CKAP5: variants seen among roughly 807,000 people sequenced by gnomAD.
The protein encoded by CKAP5 is cytoskeleton-associated protein 5.
A neutral mutation model predicts 232.8 loss-of-function variants in CKAP5; 27 were observed. The observed-to-expected ratio is 0.12, with a 90% CI of 0.09 to 0.16. The LOEUF (loss-of-function observed/expected upper bound fraction) is 0.16, where lower values mean the gene tolerates loss of function less well. Among genes scored for constraint, CKAP5 ranks in the 10% least tolerant of loss-of-function variants. The pLI is 1.00. For missense variants in CKAP5, 1,838 were observed against 2,424.7 expected (o/e 0.76, Z 5.08); for synonymous variants, 785 against 841.1 (o/e 0.93, Z 1.16).
intron 5 of CKAP5, among the ~76,000 whole-genome samples, chr11:46,810,086 C>T (rs1939241885): frequency 6.6e-6 from 1 of 151,980 alleles, no homozygotes; most frequent in Admixed American, 6.6e-5. Context: ...ATTCCCGTGC[C>T]TCAGCCTCTC....
At chr11:46,807,298 A>G (rs1336839440) in intron 8 of CKAP5, among the ~76,000 whole-genome samples, 2 of 152,236 alleles carry the variant, frequency 1.3e-5, no homozygotes, top group African/African-American at 4.8e-5. Context: ...GTGGCTTTAC[A>G]GAATATAACT....
chr11:46,779,798 T>A (rs1165529974), intron 20 of CKAP5, among the ~76,000 whole-genome samples: 3 of 151,482 alleles, frequency 2.0e-5, no homozygotes, highest in South Asian at 2.1e-4. Context: ...TTTTTGATTA[T>A]TTTTTTGTAG....
chr11:46,744,620 T>TCCC (rs751383261), intron 42 of CKAP5, 43 bp from the exon 43 acceptor site: 1 of 1,574,092 alleles, frequency 6.4e-7, no homozygotes, highest in Non-Finnish European at 8.7e-7. Flanking sequence ...TATCCACATA[T>TCCC]CCCCCTTCTA....
intron 13 of CKAP5, among the ~76,000 whole-genome samples, chr11:46,792,841 C>T (rs977378544): frequency 5.3e-5 from 8 of 152,014 alleles, no homozygotes; most frequent in African/African-American, 1.9e-4. Flanking sequence ...GTTTTGGGTC[C>T]AGGTAATTGT....
At chr11:46,773,308 G>A (rs2065264659) in intron 24 of CKAP5, among the ~76,000 whole-genome samples, 1 of 150,178 alleles carries the variant, frequency 6.7e-6, no homozygotes, top group Non-Finnish European at 1.5e-5. Context: ...AGAGTGCAAT[G>A]ACGCGATCTT....
At chr11:46,830,440 C>CAAAAAAAAAAAAAAAAA (rs71042623) in intron 1 of CKAP5, among the ~76,000 whole-genome samples, 1 of 67,932 alleles carries the variant, frequency 1.5e-5, no homozygotes. Context: ...GACTCCGTCT[C>CAAAAAAAAAAAAAAAAA]AAAAAAAAAA....
chr11:46,788,610 G>A, intron 16 of CKAP5, 71 bp downstream of exon 16: 2 of 898,070 alleles, frequency 2.2e-6, no homozygotes, highest in Non-Finnish European at 3.6e-6. Flanking sequence ...CTATTCTGCT[G>A]TATTACTCCA....
intron 35 of CKAP5, among the ~76,000 whole-genome samples, chr11:46,756,765 T>G (rs2065113435): frequency 6.6e-6 from 1 of 151,834 alleles, no homozygotes; most frequent in Admixed American, 6.6e-5. Context: ...TTTTTTTTTT[T>G]TTTTTTTGAG....
Position 46,763,565 on chromosome 11 carries a change from A to G in CKAP5, c.3603T>C (p.Ser1201=). 1 of 1,603,722 alleles carries G rather than the reference A, an allele frequency of 6.2e-7. No individual in the cohort carries two copies. The highest frequency in any genetic ancestry group is 8.5e-7 in the Non-Finnish European group (1 of 1,175,956). Residue 1201 remains serine, a synonymous_variant, in exon 29 of 44, where the codon TCT becomes TCC. Transcript: ENST00000529230. The part of the protein sequence containing the change: ...EYIEQLKTQM[S]SCVAKWLQDE... ...CTTGTAACCATTTAGCCACACAGCT[A>G]GACATTTGAGTCTTTAGTTGCTCAA...
At chr11:46,784,873 A>AG (rs1312194869) in intron 16 of CKAP5, among the ~76,000 whole-genome samples, 200 bp from the exon 17 acceptor site, 5 of 152,188 alleles carry the variant, frequency 3.3e-5, no homozygotes, top group Admixed American at 2.0e-4. Context: ...CAGTGAAGAG[A>AG]GGGAAAAAAA....
rs368105450 is a variant in CKAP5, at chr11:46,792,284, G to A, written c.1651-1701C>T. ...CAGATTTATCGAGGCTGGGCATGGTGGCTCATGCCTGTAATTCCAGCACTT... is the reference window on the plus strand; with the variant it reads ...CAGATTTATCGAGGCTGGGCATGGTAGCTCATGCCTGTAATTCCAGCACTT... On this transcript the variant is annotated intron_variant, in intron 13 of 43. Transcript: ENST00000529230. 5.3e-5 allele frequency among the ~76,000 whole-genome samples: 8 copies of A among 152,248 alleles called. No individual in the cohort carries two copies. The South Asian group carries it at 1.7e-3, about 32-fold the overall frequency.
chr11:46,753,045 CTAAG>C (rs769840967), intron 37 of CKAP5: 90 of 445,234 alleles, frequency 2.0e-4, no homozygotes, highest in Admixed American at 1.2e-3. Context: ...GGCTGGCTAA[CTAAG>C]TATTTACTAG....
intron 1 of CKAP5, among the ~76,000 whole-genome samples, chr11:46,844,184 T>C (rs1188324889): frequency 6.7e-6 from 1 of 149,616 alleles, no homozygotes; most frequent in African/African-American, 2.5e-5. Context: ...ATCGCACCAC[T>C]GCACTCTAGC....
At chr11:46,807,234 C>T (rs1323893763) in intron 8 of CKAP5, among the ~76,000 whole-genome samples, 1 of 152,174 alleles carries the variant, frequency 6.6e-6, no homozygotes, top group Non-Finnish European at 1.5e-5. Context: ...AGGATCCTAA[C>T]CCTGTATTTC....
rs1412386621 is a variant in CKAP5, at chr11:46,743,924, C to G, written c.*99G>C. On this transcript the variant is annotated 3_prime_UTR_variant, in exon 44 of 44. Transcript: ENST00000529230. ...TAGCTCCACGGCATGATACATACAA[C>G]CAGTTTGTATACACTAGGCCTGCTG... The G allele has an allele frequency of 2.1e-6, 3 of 1,447,470 alleles. No individual in the cohort carries two copies. The highest frequency in any genetic ancestry group is 2.9e-6 in the Non-Finnish European group (3 of 1,045,302). The allele number at this position is 1,447,470 out of a possible 1,614,324, so 89.7% of individuals were successfully genotyped here. A position where few individuals can be genotyped will look rare whatever the true frequency, so the allele number is the denominator to read the frequency against.
intron 38 of CKAP5, among the ~76,000 whole-genome samples, chr11:46,752,225 C>T (rs12283367): frequency 0.098 from 13,067 of 132,880 alleles, 1,598 homozygotes; most frequent in African/African-American, 0.28. Flanking sequence ...CACACACACA[C>T]ACACACACGT....
intron 7 of CKAP5, 120 bp from the exon 8 acceptor site, chr11:46,808,264 G>T (rs771852980): frequency 3.0e-6 from 2 of 664,882 alleles, no homozygotes; most frequent in Non-Finnish European, 5.0e-6. Context: ...AAAACTGGCC[G>T]GGCGCAGTGG....
chr11:46,808,189 C>A, intron 7 of CKAP5, 45 bp from the exon 8 acceptor site: 2 of 1,267,488 alleles, frequency 1.6e-6, no homozygotes, highest in Non-Finnish European at 1.1e-6. Flanking sequence ...AATAAGAGAG[C>A]GGAATAAAAG....
At chr11:46,833,579 C>T (rs12294884) in intron 1 of CKAP5, among the ~76,000 whole-genome samples, 5,586 of 150,152 alleles carry the variant, frequency 0.037, 350 homozygotes, top group African/African-American at 0.13. Flanking sequence ...CCCGGGTTCA[C>T]GCCATTCTCC....
Sources: allele counts gnomAD v4.1 joint callset (sites outside exome capture counted in the v4.1 genomes callset), GRCh38; gene constraint gnomAD v4.1.1; transcripts MANE v1.5; gene names NCBI Gene and HGNC (gene_info 2026-07-23, HGNC 2026-07-21).